The following NTRK3 variants were observed in gnomAD, a reference collection of about 807,000 sequenced individuals.
NTRK3 encodes NT-3 growth factor receptor.
A neutral mutation model predicts 91.7 loss-of-function variants in NTRK3; 24 were observed. That is an observed-to-expected ratio of 0.26 (90% CI 0.19 to 0.37). The LOEUF (loss-of-function observed/expected upper bound fraction) is 0.37. NTRK3 is among the 10% of genes least tolerant of loss of function. NTRK3 has a pLI of 1.00. For synonymous variants in NTRK3, 483 were observed against 404.0 expected (o/e 1.20, Z -2.34); for missense variants, 880 against 1,068.9 (o/e 0.82, Z 2.46).
At chr15:87,926,533 C>T (rs1270707062) in intron 17 of NTRK3, 1 of 152,222 alleles carries the variant, frequency 6.6e-6, no homozygotes, top group East Asian at 1.9e-4. Context: ...CCACCTCACT[C>T]TCCCTTCCTT....
At chr15:88,172,509 T>C (rs2151515956) in intron 5 of NTRK3, among the ~76,000 whole-genome samples, 1 of 152,328 alleles carries the variant, frequency 6.6e-6, no homozygotes, top group Middle Eastern at 3.4e-3. Context: ...GAATGTTTAC[T>C]CAGCATTACA....
intron 17 of NTRK3, among the ~76,000 whole-genome samples, chr15:87,900,266 G>T (rs1182743142): frequency 6.6e-6 from 1 of 152,122 alleles, no homozygotes; most frequent in African/African-American, 2.4e-5. Flanking sequence ...TTCTAGTTGG[G>T]CCTTTCCCTG....
exon 19 of NTRK3, chr15:87,876,744 A>T: frequency 2.2e-6 from 1 of 447,304 alleles, no homozygotes; most frequent in Admixed American, 3.3e-5. Flanking sequence ...TATATTTGCC[A>T]AACTGCCTTA....
chr15:88,152,016 C>T lies in NTRK3; in HGVS notation c.396-4613G>A, dbSNP rs191917767. Among the ~76,000 whole-genome samples the T allele has an allele frequency of 5.7e-4, 87 of 152,256 alleles. 2 individuals are homozygous for T. The East Asian group carries it at 0.016, about 28-fold the overall frequency. On this transcript the variant is annotated intron_variant, in intron 5 of 18. Transcript: ENST00000394480. ...TCAAAATTCGTTTTTAAAATCCTTA[C>T]CCAGCCGGGCGCCGTGGCTCACACC...
intron 3 of NTRK3, among the ~76,000 whole-genome samples, chr15:88,198,092 T>C (rs1047931706): frequency 6.6e-6 from 1 of 152,138 alleles, no homozygotes; most frequent in Non-Finnish European, 1.5e-5. Flanking sequence ...TCAAAGAATG[T>C]TTATTTTCCT....
intron 14 of NTRK3, among the ~76,000 whole-genome samples, chr15:87,965,930 C>A (rs1054742610): frequency 4.0e-5 from 6 of 151,862 alleles, no homozygotes; most frequent in Admixed American, 2.0e-4. Flanking sequence ...ATACAAAAAT[C>A]TGCCAGGTGT....
chr15:88,191,666 A>T (rs553504425), intron 3 of NTRK3, among the ~76,000 whole-genome samples: 19 of 152,360 alleles, frequency 1.2e-4, no homozygotes, highest in African/African-American at 4.3e-4. Context: ...GAAGCCTTGT[A>T]GGGCAATGAG....
intron 14 of NTRK3, among the ~76,000 whole-genome samples, chr15:87,999,019 C>G (rs1454498421): frequency 6.6e-6 from 1 of 152,110 alleles, no homozygotes; most frequent in Non-Finnish European, 1.5e-5. Flanking sequence ...CAAAGGATCC[C>G]CATTTCCAAG....
chr15:87,974,518 C>G (rs1396628711), intron 14 of NTRK3, among the ~76,000 whole-genome samples: 1 of 151,544 alleles, frequency 6.6e-6, no homozygotes, highest in African/African-American at 2.4e-5. Flanking sequence ...CTCATCCTTT[C>G]TTCTACCACC....
At chr15:87,861,095 A>G (rs1263665385) in exon 19 of NTRK3, 1 of 226,850 alleles carries the variant, frequency 4.4e-6, no homozygotes, top group Non-Finnish European at 8.8e-6. Flanking sequence ...CAAACATACC[A>G]TTGTTCAGCA....
chr15:88,150,533 C>T (rs530328163), intron 5 of NTRK3, among the ~76,000 whole-genome samples: 3 of 152,250 alleles, frequency 2.0e-5, no homozygotes, highest in Admixed American at 2.0e-4. Flanking sequence ...GCCCCTCCCC[C>T]ACCCATCAAG....
At chr15:88,088,595 T>C (rs2048722890) in intron 13 of NTRK3, among the ~76,000 whole-genome samples, 1 of 152,208 alleles carries the variant, frequency 6.6e-6, no homozygotes, top group Non-Finnish European at 1.5e-5. Flanking sequence ...CCAGCATATA[T>C]ATTACCATTA....
At chr15:87,909,822 G>A (rs2066983449) in intron 17 of NTRK3, among the ~76,000 whole-genome samples, 1 of 152,232 alleles carries the variant, frequency 6.6e-6, no homozygotes, top group South Asian at 2.1e-4. Flanking sequence ...GGATGACCAT[G>A]TGGGGACACA....
At chr15:88,151,647 C>G (rs1188025607) in intron 5 of NTRK3, among the ~76,000 whole-genome samples, 3 of 152,222 alleles carry the variant, frequency 2.0e-5, no homozygotes, top group African/African-American at 7.2e-5. Flanking sequence ...ATGAGTCCCT[C>G]TGTTGCCCCT....
At chr15:88,063,825 A>G (rs531319145) in intron 13 of NTRK3, among the ~76,000 whole-genome samples, 2 of 152,288 alleles carry the variant, frequency 1.3e-5, no homozygotes, top group African/African-American at 4.8e-5. Flanking sequence ...AGGCCAAATA[A>G]CCTGGAGCTC....
chr15:87,875,974 A>G (rs1167338041), exon 19 of NTRK3: 1 of 232,348 alleles, frequency 4.3e-6, no homozygotes, highest in Non-Finnish European at 8.5e-6. Flanking sequence ...CTGTTTCCTA[A>G]CCCCCTAAGC....
rs565053990 is a variant in NTRK3, at chr15:87,949,090, T to G, written c.1586-8337A>C. ...ACTATATGATGAATGGGCAAATAAATTAAAACTCCCCCTGAAGCACTGCTA... is the reference window on the plus strand; with the variant it reads ...ACTATATGATGAATGGGCAAATAAAGTAAAACTCCCCCTGAAGCACTGCTA... On this transcript the variant is annotated intron_variant, in intron 14 of 18. Coordinates refer to ENST00000394480, the Ensembl canonical transcript of NTRK3. Among the ~76,000 whole-genome samples, 4 of 151,984 alleles carry G rather than the reference T, an allele frequency of 2.6e-5. No individual in the cohort carries two copies. In the East Asian group the frequency reaches 7.7e-4, roughly 29 times the overall value.
chr15:88,091,707 A>T (rs1230444061), intron 13 of NTRK3, among the ~76,000 whole-genome samples: 1 of 152,146 alleles, frequency 6.6e-6, no homozygotes, highest in Non-Finnish European at 1.5e-5. Context: ...TCTGCCATGG[A>T]CACAAGGGTG....
At chr15:88,228,157 C>G (rs1257361108) in intron 3 of NTRK3, among the ~76,000 whole-genome samples, 8 of 152,164 alleles carry the variant, frequency 5.3e-5, no homozygotes, top group Non-Finnish European at 1.0e-4. Context: ...TCCTCTATCT[C>G]TGGGCACGTC....
Sources: allele counts gnomAD v4.1 joint callset (sites outside exome capture counted in the v4.1 genomes callset), GRCh38; gene constraint gnomAD v4.1.1; transcripts MANE v1.5; gene names NCBI Gene and HGNC (gene_info 2026-07-23, HGNC 2026-07-21).